Variants in EPHA1 observed in about 807,000 individuals in gnomAD.
EPHA1 encodes the protein EPH receptor A1, also known as ephrin type-A receptor 1.
EPHA1 carries 92 observed loss-of-function variants against 110.1 expected under a neutral mutation model. The ratio of observed to expected loss-of-function variants is 0.84; its 90% confidence interval spans 0.71 to 0.99. The LOEUF is 0.99. EPHA1 is among the 50% of genes least tolerant of loss of function. EPHA1 has a pLI of 0.00. For missense variants in EPHA1, 1,204 were observed against 1,285.4 expected, an observed-to-expected ratio of 0.94 and a Z score of 0.97; for synonymous variants, 500 against 516.1, an observed-to-expected ratio of 0.97 and a Z score of 0.42.
rs1162100202 is a variant in EPHA1 at position 143,399,897 on chromosome 7, C to T, written c.589G>A (p.Val197Ile). The T allele has an allele frequency of 1.2e-6, 2 of 1,611,088 alleles. No homozygotes were observed. Among genetic ancestry groups the T allele is most frequent in the Non-Finnish European group, 1.7e-6 (2 of 1,178,582 alleles). Residue 197 changes from valine to isoleucine, a missense_variant, in exon 4 of 18, where the codon GTC (valine) becomes ATC (isoleucine). Physicochemically the swap from Val to Ile is conservative, Grantham distance 29. Transcript: ENST00000275815. ...GGACAGCGCTGGTAGAAGACCCGGA[C>T]AGACACCAGGGCCACACAGGCACCC... Reference protein sequence around the residue: ...NPGACVALVSVRVFYQRCPET... With the variant: ...NPGACVALVSIRVFYQRCPET...
chr7:143,407,455 C>T (rs1233601944), intron 2 of EPHA1, among the ~76,000 whole-genome samples, 156 bp downstream of exon 2: 2 of 152,066 alleles, frequency 1.3e-5, no homozygotes, highest in African/African-American at 4.8e-5. Context: ...CCCCTTGTCC[C>T]ATTGAGGAGG....
Position 143,399,693 on chromosome 7 carries a change from C to T in EPHA1, c.793G>A (p.Glu265Lys), listed in dbSNP as rs1353200268. The T allele has an allele frequency of 3.7e-6, 6 of 1,613,750 alleles. No individual in the cohort carries two copies. The highest frequency in any genetic ancestry group is 1.3e-5 in the African/African-American group (1 of 75,056). Residue 265 changes from glutamate (E) to lysine (K), a missense_variant, in exon 4 of 18, where the codon GAG becomes AAG. Glu to Lys is a moderately conservative substitution (Grantham distance 56). Transcript: ENST00000275815. ...CTGCCACCTTCCTCATAGCCAGGCT[C>T]ACAGTGGCACCGTCCTACAGGCACC... ...WLVPVGRCHC[E>K]PGYEEGGSGE...
chr7:143,408,136 G>C (rs1259805903), intron 1 of EPHA1, among the ~76,000 whole-genome samples: 1 of 152,192 alleles, frequency 6.6e-6, no homozygotes, highest in African/African-American at 2.4e-5. Context: ...AGCCTGCTTT[G>C]GCCTGACCTG....
intron 9 of EPHA1, 22 bp downstream of exon 9, chr7:143,397,539 G>GA (rs780762492): frequency 1.9e-6 from 3 of 1,613,170 alleles, no homozygotes; most frequent in Non-Finnish European, 1.7e-6. Flanking sequence ...CTGGTGGTTG[G>GA]GGAGGGGGCA....
chr7:143,395,594 T>G lies in EPHA1; in HGVS notation c.1898-90A>C. On this transcript the variant is annotated intron_variant, in intron 11 of 17. Coordinates refer to ENST00000275815, the MANE Select transcript of EPHA1 (RefSeq NM_005232.5). This position sits in a 1 kb window ranked among gnomAD's most constrained non-coding sequence, Gnocchi z 4.7. The stretch of plus-strand genomic sequence containing the variant: ...AACCCCTCCAGTCCTCCGGCCCTTT[T>G]CTTTTCTGGAGAATCAGAAGCGTGG... 1 of 1,376,668 alleles carries G rather than the reference T, an allele frequency of 7.3e-7. No homozygotes were observed. Among genetic ancestry groups the G allele is most frequent in the Non-Finnish European group, 9.9e-7 (1 of 1,009,868 alleles). 85.3% of individuals were successfully genotyped at this position (1,376,668 alleles called of 1,614,324 possible).
intron 11 of EPHA1, among the ~76,000 whole-genome samples, 195 bp downstream of exon 11, chr7:143,396,190 T>C (rs1805239201): frequency 6.6e-6 from 1 of 152,156 alleles, no homozygotes; most frequent in African/African-American, 2.4e-5. Flanking sequence ...CCAGGGCACC[T>C]GATGAGGGGT....
chr7:143,394,156 A>G (rs1805171826), intron 15 of EPHA1, 38 bp downstream of exon 15: 2 of 1,586,758 alleles, frequency 1.3e-6, no homozygotes, highest in African/African-American at 1.3e-5. Context: ...AAGAGGTGTG[A>G]ATTGGAGACA....
chr7:143,397,447 C>A, intron 9 of EPHA1, 85 bp from the exon 10 acceptor site: 1 of 1,579,832 alleles, frequency 6.3e-7, no homozygotes. Flanking sequence ...TCCCCAGAAA[C>A]GGGCTGGGAG....
intron 4 of EPHA1, 114 bp from the exon 5 acceptor site, chr7:143,399,527 T>C (rs996143811): frequency 1.1e-4 from 165 of 1,552,066 alleles, no homozygotes; most frequent in Non-Finnish European, 1.4e-4. Flanking sequence ...CATGTGTGTG[T>C]CCGCTGCTCT....
chr7:143,396,265 C>A, intron 11 of EPHA1, 120 bp downstream of exon 11: 1 of 1,358,024 alleles, frequency 7.4e-7, no homozygotes, highest in Non-Finnish European at 9.9e-7. Context: ...CCTCTGGAAA[C>A]TCTTGGACCA....
chr7:143,398,266 G>T (rs1301347063), intron 7 of EPHA1, 55 bp downstream of exon 7: 1 of 1,607,864 alleles, frequency 6.2e-7, no homozygotes, highest in Non-Finnish European at 8.5e-7. Flanking sequence ...GGCTAGGAAT[G>T]TTGGGGTGTG....
rs890022129 is a variant in EPHA1, at chr7:143,395,753, C to T, written c.1898-249G>A. 6.6e-6 allele frequency among the ~76,000 whole-genome samples: 1 copy of T among 152,170 alleles called. No homozygotes were observed. Among genetic ancestry groups the T allele is most frequent in the Non-Finnish European group, 1.5e-5 (1 of 68,036 alleles). ...CAGTTCTTGGCTCACAATAGGCGCT[C>T]GGCAACTGCAGGGTGAATGAACCCT... On this transcript the variant is annotated intron_variant, in intron 11 of 17. Coordinates refer to ENST00000275815, the MANE Select transcript of EPHA1 (RefSeq NM_005232.5). The surrounding 1 kb of genome is among the most constrained non-coding windows in gnomAD (Gnocchi z 4.7).
chr7:143,407,443 C>G (rs1049717430), intron 2 of EPHA1, among the ~76,000 whole-genome samples, 168 bp downstream of exon 2: 13 of 152,220 alleles, frequency 8.5e-5, no homozygotes, highest in South Asian at 6.2e-4. Flanking sequence ...CTGACCCCCC[C>G]ACCCCTTGTC....
intron 2 of EPHA1, among the ~76,000 whole-genome samples, chr7:143,406,645 C>T (rs1805558678): frequency 6.6e-6 from 1 of 152,208 alleles, no homozygotes; most frequent in South Asian, 2.1e-4. Flanking sequence ...GCTGAGCCCT[C>T]AACCTGAGGC....
Position 143,399,295 on chromosome 7 carries a change from G to A in EPHA1, c.954C>T (p.Tyr318=), listed in dbSNP as rs1171483360. The A allele has an allele frequency of 2.5e-6, 4 of 1,612,148 alleles. No individual in the cohort carries two copies. Among genetic ancestry groups the A allele is most frequent in the Non-Finnish European group, 3.4e-6 (4 of 1,179,860 alleles). ...CCTGGGGGCCCTCCCCGGGAGCTCT[G>A]TAATGGCCGCTCTCACAGGTACAGA... The part of the protein sequence containing the change: ...ATICTCESGH[Y]RAPGEGPQVA... Residue 318 remains tyrosine, a synonymous_variant, in exon 5 of 18, where the codon TAC becomes TAT. Transcript: ENST00000275815.
In EPHA1 at chr7:143,401,339, C is replaced by T. The variant is rs1465337431; in HGVS notation, c.417G>A (p.Arg139=). Residue 139 remains arginine, a synonymous_variant, in exon 3 of 18, where the codon CGG becomes CGA. Transcript: ENST00000275815. This position sits in a 1 kb window ranked among gnomAD's most constrained non-coding sequence, Gnocchi z 4.1. The stretch of plus-strand genomic sequence containing the variant: ...GAAGCAGCACCTTCTGGAACAAGGG[C>T]CGTCGGAGCTGAATGCCCACATCCT... ...SDQDVGIQLR[R]PLFQKVTTVA... The T allele has an allele frequency of 6.2e-7, 1 of 1,613,644 alleles. No homozygotes were observed. The highest frequency in any genetic ancestry group is 1.3e-5 in the African/African-American group (1 of 74,908).
At chr7:143,406,665 G>A (rs894756342) in intron 2 of EPHA1, among the ~76,000 whole-genome samples, 3 of 152,222 alleles carry the variant, frequency 2.0e-5, no homozygotes, top group Admixed American at 1.3e-4. Flanking sequence ...CTATCTCCAG[G>A]TAGATAGTGT....
chr7:143,392,102 T>C (rs934632992), intron 16 of EPHA1, among the ~76,000 whole-genome samples: 3 of 152,156 alleles, frequency 2.0e-5, no homozygotes, highest in Non-Finnish European at 2.9e-5. Context: ...GGTTAAGACA[T>C]GGAAGTCTCC....
chr7:143,400,012 G>A lies in EPHA1; in HGVS notation c.474C>T (p.Asp158=), dbSNP rs1805376267. The change falls in exon 4 of 18, where the codon GAC becomes GAT. Residue 158 remains aspartate, a synonymous_variant. Coordinates refer to ENST00000275815, the MANE Select transcript of EPHA1 (RefSeq NM_005232.5). ...TCAGCTTCACGGAGCCAGACACAAG[G>A]TCTCGAATGGTGAAGCTCTGGTCTG... The part of the protein sequence containing the change: ...VAADQSFTIR[D]LVSGSVKLNV... 2.5e-6 allele frequency: 4 copies of A among 1,612,884 alleles called. No individual in the cohort carries two copies. Among genetic ancestry groups the A allele is most frequent in the South Asian group, 1.1e-5 (1 of 91,036 alleles).
Sources: allele counts gnomAD v4.1 joint callset (sites outside exome capture counted in the v4.1 genomes callset), GRCh38; gene constraint gnomAD v4.1.1; non-coding constraint Gnocchi (gnomAD v3.1); transcripts MANE v1.5; gene names NCBI Gene and HGNC (gene_info 2026-07-23, HGNC 2026-07-21).